The following TAS2R1 variants were observed in gnomAD, a reference collection of about 807,000 sequenced individuals.
TAS2R1 encodes taste receptor type 2 member 1.
For missense variants in TAS2R1, 370 were observed against 353.4 expected (o/e 1.05, Z -0.38); for synonymous variants, 141 against 134.2 (o/e 1.05, Z -0.35).
At chr5:9,746,163 A>T in the TAS2R1 span, among the ~76,000 whole-genome samples, 88 of 152,362 alleles carry the variant, frequency 5.8e-4, 1 homozygote, top group Non-Finnish European at 1.5e-4. Flanking sequence ...ACATATGAAA[A>T]AAAGGTCATC....
the TAS2R1 span, among the ~76,000 whole-genome samples, chr5:9,749,132 T>C: frequency 3.3e-5 from 5 of 152,084 alleles, no homozygotes; most frequent in African/African-American, 1.2e-4. Flanking sequence ...GTCTGGAAAA[T>C]ACAGAATTTT....
At chr5:9,726,374 A>G in the TAS2R1 span, among the ~76,000 whole-genome samples, 1 of 152,200 alleles carries the variant, frequency 6.6e-6, no homozygotes, top group Non-Finnish European at 1.5e-5. Context: ...ACTGGGCTCT[A>G]CCAGTCAGCA....
At chr5:9,890,808 T>C in the TAS2R1 span, among the ~76,000 whole-genome samples, 2 of 152,208 alleles carry the variant, frequency 1.3e-5, no homozygotes, top group Admixed American at 1.3e-4. Flanking sequence ...GTGACCTACT[T>C]ATAACCACGT....
the TAS2R1 span, among the ~76,000 whole-genome samples, chr5:9,819,316 T>C: frequency 6.6e-6 from 1 of 152,288 alleles, no homozygotes; most frequent in African/African-American, 2.4e-5. Context: ...TGAGACAATC[T>C]CTCAGCTCCA....
chr5:9,825,104 A>T, the TAS2R1 span, among the ~76,000 whole-genome samples: 1 of 152,230 alleles, frequency 6.6e-6, no homozygotes, highest in African/African-American at 2.4e-5. Context: ...AGCTGTTTTA[A>T]ATAAATTATT....
chr5:9,687,613 TTGGTC>T (rs1741154437), intron 1 of TAS2R1, among the ~76,000 whole-genome samples: 1 of 152,146 alleles, frequency 6.6e-6, no homozygotes, highest in African/African-American at 2.4e-5. Context: ...TGTCCTCCGG[TTGGTC>T]CCTTCCCTGA....
At chr5:9,806,131 C>T in the TAS2R1 span, among the ~76,000 whole-genome samples, 3 of 151,996 alleles carry the variant, frequency 2.0e-5, no homozygotes, top group African/African-American at 7.2e-5. Context: ...ATATCAAGAA[C>T]TCAATCCCTT....
chr5:9,721,136 G>A, the TAS2R1 span, among the ~76,000 whole-genome samples: 2 of 152,316 alleles, frequency 1.3e-5, no homozygotes, highest in South Asian at 4.1e-4. Flanking sequence ...GACAGGCTAG[G>A]AGCAAAGCAC....
chr5:9,895,220 T>C, the TAS2R1 span, among the ~76,000 whole-genome samples: 1 of 152,212 alleles, frequency 6.6e-6, no homozygotes, highest in Non-Finnish European at 1.5e-5. Flanking sequence ...GAGCTGGGAC[T>C]GCAAAACCAG....
At chr5:9,660,201 G>A (rs1417186324) in intron 1 of TAS2R1, among the ~76,000 whole-genome samples, 1 of 148,898 alleles carries the variant, frequency 6.7e-6, no homozygotes. Context: ...TGGGACTACA[G>A]GAGCCCGCCA....
intron 1 of TAS2R1, among the ~76,000 whole-genome samples, chr5:9,688,772 C>G (rs887058109): frequency 7.2e-5 from 11 of 152,126 alleles, no homozygotes; most frequent in African/African-American, 2.4e-4. Context: ...AGCTTTATCT[C>G]GCACCCTCTC....
At chr5:9,725,555 C>G in the TAS2R1 span, among the ~76,000 whole-genome samples, 1 of 152,202 alleles carries the variant, frequency 6.6e-6, no homozygotes, top group Non-Finnish European at 1.5e-5. Flanking sequence ...TGCCTCCCCA[C>G]GGGGCAGGGC....
the TAS2R1 span, among the ~76,000 whole-genome samples, chr5:9,864,071 A>G: frequency 6.6e-6 from 1 of 152,226 alleles, no homozygotes; most frequent in Non-Finnish European, 1.5e-5. Context: ...CAAGTAGGCC[A>G]ACAAAACAAA....
chr5:9,700,335 C>A (rs1001673471), intron 1 of TAS2R1, among the ~76,000 whole-genome samples: 2 of 152,070 alleles, frequency 1.3e-5, no homozygotes, highest in African/African-American at 4.8e-5. Flanking sequence ...GTTATAGGCC[C>A]AATTTAACAA....
At chr5:9,700,390 A>T (rs935574892) in intron 1 of TAS2R1, among the ~76,000 whole-genome samples, 2 of 152,192 alleles carry the variant, frequency 1.3e-5, no homozygotes, top group Non-Finnish European at 2.9e-5. Context: ...TCTATTACAG[A>T]CCAGCCATAG....
intron 1 of TAS2R1, among the ~76,000 whole-genome samples, chr5:9,706,967 C>G (rs1447884604): frequency 2.0e-5 from 3 of 152,136 alleles, no homozygotes; most frequent in Non-Finnish European, 4.4e-5. Flanking sequence ...CTTTATTTCT[C>G]TCTATCCCAA....
At chr5:9,639,795 C>G (rs934511007) in intron 2 of TAS2R1, among the ~76,000 whole-genome samples, 12 of 152,214 alleles carry the variant, frequency 7.9e-5, no homozygotes, top group Non-Finnish European at 7.3e-5. Flanking sequence ...TCTTCTGCAG[C>G]TTCTTCACCT....
chr5:9,821,286 A>G, the TAS2R1 span, among the ~76,000 whole-genome samples: 9,454 of 152,224 alleles, frequency 0.062, 848 homozygotes, highest in African/African-American at 0.2. Flanking sequence ...GTGAGCAGAG[A>G]GAAGACTCAA....
the TAS2R1 span, among the ~76,000 whole-genome samples, chr5:9,771,232 T>G: frequency 6.6e-6 from 1 of 152,152 alleles, no homozygotes; most frequent in African/African-American, 2.4e-5. Context: ...GCCAGATCTT[T>G]GCCAGATTTT....
Sources: gnomAD v4.1 joint callset for allele counts (sites outside exome capture counted in the v4.1 genomes callset) on GRCh38, gnomAD v4.1.1 for gene constraint, MANE v1.5 for transcripts, NCBI Gene and HGNC (gene_info 2026-07-23, HGNC 2026-07-21) for gene names.